Variants in ENOX1 observed in about 807,000 individuals in gnomAD.
The protein encoded by ENOX1 is candidate growth-related and time keeping constitutive hydroquinone (NADH) oxidase.
A neutral mutation model predicts 82.5 loss-of-function variants in ENOX1; 42 were observed. The ratio of observed to expected loss-of-function variants is 0.51; its 90% CI spans 0.40 to 0.66. The LOEUF (loss-of-function observed/expected upper bound fraction) is 0.66, where lower values mean the gene tolerates loss of function less well. Among genes scored for constraint, ENOX1 ranks in the 30% least tolerant of loss-of-function variants. The probability of loss-of-function intolerance (pLI) is 0.00; values close to 1 mark genes in which losing one functional copy is unlikely to be tolerated. For synonymous variants in ENOX1, 271 were observed against 282.2 expected, an observed-to-expected ratio of 0.96 and a Z score of 0.40; for missense variants, 608 against 811.6, an observed-to-expected ratio of 0.75 and a Z score of 3.05.
intron 5 of ENOX1, 107 bp from the exon 6 acceptor site, chr13:43,361,559 G>A: frequency 1.9e-6 from 2 of 1,045,708 alleles, no homozygotes; most frequent in African/African-American, 1.7e-5. Context: ...CTATTTTTCA[G>A]GAATTTCTCC....
chr13:43,616,180 ATCTATC>A (rs2082450762), intron 2 of ENOX1, among the ~76,000 whole-genome samples: 1 of 8,870 alleles, frequency 1.1e-4, no homozygotes, highest in Non-Finnish European at 6.7e-4. Flanking sequence ...CTATCTATCT[ATCTATC>A]TATATATATA....
intron 3 of ENOX1, among the ~76,000 whole-genome samples, chr13:43,431,948 A>G (rs1000348648): frequency 2.0e-5 from 3 of 152,094 alleles, no homozygotes; most frequent in African/African-American, 7.2e-5. Context: ...CCTCTGGCCT[A>G]ATCACCCCGG....
Position 43,531,193 on chromosome 13 carries a change from G to A in ENOX1, c.-218-47041C>T, listed in dbSNP as rs2078196062. Among the ~76,000 whole-genome samples, 6 of 151,414 alleles carry A rather than the reference G, an allele frequency of 4.0e-5. No individual in the cohort carries two copies. The South Asian group carries it at 1.3e-3, about 32-fold the overall frequency. ...TTTCCTTAAATTTTTAATTTAAAAA[G>A]TTTTAATCTACAATGAACTCAAACA... On this transcript the variant is annotated intron_variant, in intron 2 of 16. Coordinates refer to ENST00000690772, the MANE Select transcript of ENOX1 (RefSeq NM_001347969.2).
chr13:43,767,514 C>G (rs1438007621), intron 1 of ENOX1, among the ~76,000 whole-genome samples: 1 of 152,198 alleles, frequency 6.6e-6, no homozygotes, highest in Non-Finnish European at 1.5e-5. Context: ...AATTGCCTCA[C>G]GCCAAGGAGG....
At chr13:43,331,652 A>G (rs1330532508) in intron 9 of ENOX1, among the ~76,000 whole-genome samples, 1 of 152,214 alleles carries the variant, frequency 6.6e-6, no homozygotes, top group African/African-American at 2.4e-5. Context: ...GAGAAGGGAC[A>G]GAAGAAAAGT....
intron 11 of ENOX1, among the ~76,000 whole-genome samples, chr13:43,311,320 C>G (rs1465091892): frequency 6.6e-6 from 1 of 150,774 alleles, no homozygotes; most frequent in Non-Finnish European, 1.5e-5. Context: ...GGTCCTTATC[C>G]AAAAAATGTA....
At chr13:43,411,438 T>C (rs569442677) in intron 5 of ENOX1, among the ~76,000 whole-genome samples, 6 of 152,342 alleles carry the variant, frequency 3.9e-5, no homozygotes, top group Non-Finnish European at 5.9e-5. Flanking sequence ...GGGAATTTAG[T>C]GTCAGCTGAG....
In ENOX1 at chr13:43,648,365, C is replaced by T. The variant is rs552127202; in HGVS notation, c.-219+19114G>A. 9.7e-4 allele frequency among the ~76,000 whole-genome samples: 147 copies of T among 152,286 alleles called. 2 individuals are homozygous for T. The South Asian group carries it at 0.024, about 25-fold the overall frequency. ...GAGCCATGGTCAGCTTCTGCAACCA[C>T]GCAGCTTACAACTCAAAGCTGACAG... On this transcript the variant is annotated intron_variant, in intron 2 of 16. Transcript: ENST00000690772.
intron 1 of ENOX1, among the ~76,000 whole-genome samples, chr13:43,734,536 G>T (rs914018117): frequency 2.6e-5 from 4 of 152,152 alleles, no homozygotes; most frequent in African/African-American, 9.7e-5. Context: ...CCTTTCCTAA[G>T]GAAATCCTCC....
chr13:43,307,566 G>A (rs1276639598), intron 11 of ENOX1, among the ~76,000 whole-genome samples: 6 of 152,050 alleles, frequency 3.9e-5, no homozygotes, highest in Non-Finnish European at 4.4e-5. Context: ...CTTTCTTTCA[G>A]CCTTTTCCAA....
intron 2 of ENOX1, among the ~76,000 whole-genome samples, chr13:43,636,707 G>A (rs1458391317): frequency 2.0e-5 from 3 of 152,120 alleles, no homozygotes; most frequent in African/African-American, 7.2e-5. Context: ...CCAACGGCAC[G>A]GGTGGCAGAG....
intron 2 of ENOX1, among the ~76,000 whole-genome samples, chr13:43,633,376 A>G (rs767598486): frequency 2.0e-5 from 3 of 152,288 alleles, no homozygotes; most frequent in South Asian, 2.1e-4. Context: ...CATTTGATCC[A>G]ATAATTCCCC....
At chr13:43,446,321 G>T (rs1566241617) in intron 3 of ENOX1, among the ~76,000 whole-genome samples, 3 of 152,150 alleles carry the variant, frequency 2.0e-5, no homozygotes, top group African/African-American at 7.2e-5. Context: ...CTGTCTTAAT[G>T]ATGTCTGGGC....
At chr13:43,385,473 A>G (rs1184099527) in intron 5 of ENOX1, among the ~76,000 whole-genome samples, 1 of 152,210 alleles carries the variant, frequency 6.6e-6, no homozygotes, top group Non-Finnish European at 1.5e-5. Flanking sequence ...AAAAGAGAAG[A>G]AATAGATATG....
At chr13:43,285,908 T>C (rs1459925084) in intron 12 of ENOX1, among the ~76,000 whole-genome samples, 1 of 149,006 alleles carries the variant, frequency 6.7e-6, no homozygotes, top group Non-Finnish European at 1.5e-5. Context: ...AATTTCTCCC[T>C]GCATTTTCTT....
intron 2 of ENOX1, among the ~76,000 whole-genome samples, chr13:43,616,172 ATCTATCTATCTATC>A (rs766448935): frequency 8.4e-3 from 54 of 6,430 alleles, no homozygotes; most frequent in African/African-American, 0.011. Context: ...CTATCTATCT[ATCTATCTATCTATC>A]TATATATATA....
At chr13:43,670,082 C>A (rs2085183214) in intron 1 of ENOX1, among the ~76,000 whole-genome samples, 1 of 152,112 alleles carries the variant, frequency 6.6e-6, no homozygotes, top group Non-Finnish European at 1.5e-5. Flanking sequence ...CCAGTAAGAG[C>A]CAGATAAATG....
At chr13:43,416,698 C>G (rs1299189903) in intron 3 of ENOX1, among the ~76,000 whole-genome samples, 1 of 150,484 alleles carries the variant, frequency 6.6e-6, no homozygotes, top group Non-Finnish European at 1.5e-5. Flanking sequence ...GGGGTGGCGG[C>G]CAGGCAGAGG....
At chr13:43,301,015 G>C (rs567741274) in intron 11 of ENOX1, among the ~76,000 whole-genome samples, 1 of 152,216 alleles carries the variant, frequency 6.6e-6, no homozygotes, top group Non-Finnish European at 1.5e-5. Context: ...AAGCCATAAG[G>C]AAATGGTTAT....
Sources: gnomAD v4.1 joint callset for allele counts (sites outside exome capture counted in the v4.1 genomes callset) on GRCh38, gnomAD v4.1.1 for gene constraint, MANE v1.5 for transcripts, NCBI Gene and HGNC (gene_info 2026-07-23, HGNC 2026-07-21) for gene names.